Variants in PIK3C2G observed in about 807,000 individuals in gnomAD.
PIK3C2G encodes phosphatidylinositol 3-kinase C2 domain-containing subunit gamma.
PIK3C2G carries 168 observed loss-of-function variants against 181.1 expected under a neutral mutation model. That is an observed-to-expected ratio of 0.93 (90% CI 0.82 to 1.05). The LOEUF (loss-of-function observed/expected upper bound fraction) is 1.05. Among genes scored for constraint, PIK3C2G ranks in the 50% least tolerant of loss-of-function variants. The probability of loss-of-function intolerance (pLI) is 0.00; values close to 1 mark genes in which losing one functional copy is unlikely to be tolerated. For synonymous variants in PIK3C2G, 573 were observed against 592.2 expected, an observed-to-expected ratio of 0.97 and a Z score of 0.47; for missense variants, 1,869 against 1,732.8, an observed-to-expected ratio of 1.08 and a Z score of -1.40.
intron 2 of PIK3C2G, among the ~76,000 whole-genome samples, chr12:18,285,686 G>C (rs1949414983): frequency 6.6e-6 from 1 of 151,518 alleles, no homozygotes; most frequent in African/African-American, 2.4e-5. Flanking sequence ...CCTAGAGCTA[G>C]TACCATGAAT....
intron 18 of PIK3C2G, among the ~76,000 whole-genome samples, chr12:18,435,753 A>G (rs1373764377): frequency 6.6e-6 from 1 of 151,948 alleles, no homozygotes; most frequent in African/African-American, 2.4e-5. Flanking sequence ...CAGTTTTCCA[A>G]CTTCTTGAAA....
intron 4 of PIK3C2G, among the ~76,000 whole-genome samples, chr12:18,292,554 A>T (rs745598406): frequency 6.6e-6 from 1 of 152,048 alleles, no homozygotes; most frequent in Non-Finnish European, 1.5e-5. Context: ...CTGCACCTTG[A>T]TCCAATCAGA....
chr12:18,261,900 C>T (rs1948253881), intron 1 of PIK3C2G, among the ~76,000 whole-genome samples: 1 of 152,054 alleles, frequency 6.6e-6, no homozygotes, highest in Admixed American at 6.6e-5. Context: ...CATACCATTT[C>T]ATCAGAGCCT....
At chr12:18,606,128 A>G (rs1410507499) in intron 30 of PIK3C2G, among the ~76,000 whole-genome samples, 1 of 152,138 alleles carries the variant, frequency 6.6e-6, no homozygotes, top group Non-Finnish European at 1.5e-5. Flanking sequence ...GAACTCCGGC[A>G]TGTTTTGATG....
At chr12:18,275,502 C>T (rs1948946596) in intron 1 of PIK3C2G, among the ~76,000 whole-genome samples, 2 of 152,180 alleles carry the variant, frequency 1.3e-5, no homozygotes, top group Non-Finnish European at 2.9e-5. Context: ...CTGTCTCAGC[C>T]TCCCACATAG....
intron 12 of PIK3C2G, among the ~76,000 whole-genome samples, chr12:18,364,500 T>A (rs76271670): frequency 1.8e-4 from 27 of 152,332 alleles, no homozygotes; most frequent in Non-Finnish European, 3.7e-4. Flanking sequence ...ATTTTTTTTT[T>A]AATTTTATTT....
chr12:18,409,965 A>G (rs1165118938), intron 16 of PIK3C2G, among the ~76,000 whole-genome samples: 1 of 152,058 alleles, frequency 6.6e-6, no homozygotes, highest in East Asian at 1.9e-4. Flanking sequence ...ACCGGATATC[A>G]TTAGAACTCT....
At chr12:18,465,286 G>A (rs1181729197) in intron 18 of PIK3C2G, among the ~76,000 whole-genome samples, 1 of 151,758 alleles carries the variant, frequency 6.6e-6, no homozygotes, top group Non-Finnish European at 1.5e-5. Context: ...CAAACAACTT[G>A]TTTCCTACTT....
intron 8 of PIK3C2G, among the ~76,000 whole-genome samples, chr12:18,332,400 G>T: frequency 6.6e-6 from 1 of 152,212 alleles, no homozygotes; most frequent in East Asian, 1.9e-4. Flanking sequence ...ACCAGTCACA[G>T]CCTTAGGCAG....
chr12:18,416,870 C>G (rs1945209613), intron 16 of PIK3C2G, among the ~76,000 whole-genome samples: 1 of 152,152 alleles, frequency 6.6e-6, no homozygotes, highest in Non-Finnish European at 1.5e-5. Flanking sequence ...ATCAAGGAGT[C>G]ATTTTGACTT....
intron 24 of PIK3C2G, among the ~76,000 whole-genome samples, chr12:18,515,537 C>A (rs1942484101): frequency 6.6e-6 from 1 of 151,928 alleles, no homozygotes; most frequent in African/African-American, 2.4e-5. Context: ...CTCTTCTGAG[C>A]CTTTGTATTT....
At chr12:18,243,916 T>C (rs1591754341), upstream of PIK3C2G, among the ~76,000 whole-genome samples, 1 of 151,980 alleles carries the variant, frequency 6.6e-6, no homozygotes, top group African/African-American at 2.4e-5. Context: ...AGGATGTTTA[T>C]GTGCTAGGTA....
At chr12:18,358,046 T>C (rs2137762876) in intron 11 of PIK3C2G, among the ~76,000 whole-genome samples, 1 of 152,332 alleles carries the variant, frequency 6.6e-6, no homozygotes, top group Non-Finnish European at 1.5e-5. Context: ...GTGAACAATG[T>C]TGAAATGAAC....
chr12:18,648,683 G>A (rs1012929666), downstream of PIK3C2G, among the ~76,000 whole-genome samples: 4 of 151,846 alleles, frequency 2.6e-5, no homozygotes, highest in Admixed American at 1.3e-4. Flanking sequence ...GGTTATGCCT[G>A]GACTCCAAGA....
rs80131340 is a variant in PIK3C2G, at chr12:18,565,007, T to C, written c.3902+1509T>C. On this transcript the variant is annotated intron_variant, in intron 28 of 32. Transcript: ENST00000538779. Reference sequence around the variant, plus strand: ...TTTGTTAGGATTCTGCTTTGCTCATTACTGCTGCCTGGAGGTTCTTACATT... The same window carrying C: ...TTTGTTAGGATTCTGCTTTGCTCATCACTGCTGCCTGGAGGTTCTTACATT... Among the ~76,000 whole-genome samples the C allele has an allele frequency of 5.0e-3, 758 of 152,306 alleles. 15 individuals carry two copies. The East Asian group carries it at 0.066, about 13-fold the overall frequency.
the PIK3C2G span, among the ~76,000 whole-genome samples, chr12:18,669,938 G>A: frequency 0.011 from 1,618 of 152,148 alleles, 15 homozygotes; most frequent in Non-Finnish European, 0.016. Context: ...AAAGTGCTGG[G>A]ACTACAGGTG....
the PIK3C2G span, chr12:18,693,659 T>C: frequency 6.4e-7 from 1 of 1,565,528 alleles, no homozygotes; most frequent in Non-Finnish European, 8.8e-7. Flanking sequence ...GACAAAAAGA[T>C]ATGACTCCAA....
At chr12:18,612,396 G>C (rs574143503) in intron 31 of PIK3C2G, among the ~76,000 whole-genome samples, 10 of 151,834 alleles carry the variant, frequency 6.6e-5, no homozygotes, top group Non-Finnish European at 1.3e-4. Context: ...TTCCTCCCCT[G>C]TGCCACTGCT....
chr12:18,723,277 A>T, the PIK3C2G span: 5 of 1,547,042 alleles, frequency 3.2e-6, no homozygotes, highest in Non-Finnish European at 1.8e-6. Context: ...TTCACATATA[A>T]ATATTCCGAT....
Sources: allele counts gnomAD v4.1 joint callset (sites outside exome capture counted in the v4.1 genomes callset), GRCh38; gene constraint gnomAD v4.1.1; transcripts MANE v1.5; gene names NCBI Gene and HGNC (gene_info 2026-07-23, HGNC 2026-07-21).